ELMO1: variants seen among roughly 807,000 people sequenced by gnomAD.
ELMO1 encodes engulfment and cell motility 1.
Under a neutral mutation model 98.9 loss-of-function variants are expected in ELMO1, and 26 were observed. The observed-to-expected ratio is 0.26, with a 90% CI of 0.19 to 0.36. ELMO1 has a LOEUF of 0.36. Among genes scored for constraint, ELMO1 ranks in the 10% least tolerant of loss-of-function variants. The probability of loss-of-function intolerance (pLI) is 1.00; values close to 1 mark genes in which losing one functional copy is unlikely to be tolerated. For synonymous variants in ELMO1, 346 were observed against 346.0 expected (o/e 1.00, Z 0.00); for missense variants, 627 against 935.2 (o/e 0.67, Z 4.30).
At chr7:37,402,647 C>T (rs925778076) in intron 1 of ELMO1, among the ~76,000 whole-genome samples, 1 of 152,162 alleles carries the variant, frequency 6.6e-6, no homozygotes, top group Admixed American at 6.5e-5. Flanking sequence ...CTGAAGCCAT[C>T]TGATCCCTGA....
chr7:37,049,410 T>C (rs1185396819), intron 15 of ELMO1, among the ~76,000 whole-genome samples: 1 of 152,202 alleles, frequency 6.6e-6, no homozygotes, highest in Non-Finnish European at 1.5e-5. Context: ...TAAAACTATG[T>C]GATGCGTCCA....
intron 6 of ELMO1, among the ~76,000 whole-genome samples, chr7:37,253,052 G>T (rs569084954): frequency 1.3e-5 from 2 of 152,300 alleles, no homozygotes; most frequent in South Asian, 4.1e-4. Context: ...AGTTAGAATG[G>T]TGATCATTAA....
intron 14 of ELMO1, among the ~76,000 whole-genome samples, chr7:37,126,300 A>AATATAT (rs201860679): frequency 0.097 from 12,951 of 133,530 alleles, 789 homozygotes; most frequent in Non-Finnish European, 0.14. Flanking sequence ...GTATAATTTA[A>AATATAT]ATATATATAT....
In ELMO1 at chr7:36,870,298, A is replaced by T; in HGVS notation, c.1905+95T>A. On this transcript the variant is annotated intron_variant, in intron 20 of 21. Coordinates refer to ENST00000310758, the MANE Select transcript of ELMO1 (RefSeq NM_014800.11). The surrounding 1 kb of genome is among the most constrained non-coding windows in gnomAD (Gnocchi z 4.4). ...GAGATGTGTGTCTGAACACACGCAC[A>T]CACACGAACACTGCTATAAAGGAGG... 9.6e-7 allele frequency: 1 copy of T among 1,038,516 alleles called. No individual in the cohort carries two copies. The highest frequency in any genetic ancestry group is 1.5e-6 in the Non-Finnish European group (1 of 676,390). The allele number at this position is 1,038,516 out of a possible 1,614,324, so 64.3% of individuals were successfully genotyped here. A position where few individuals can be genotyped will look rare whatever the true frequency, so the allele number is the denominator to read the frequency against.
At chr7:37,041,812 G>T (rs34429167) in intron 15 of ELMO1, among the ~76,000 whole-genome samples, 1 of 152,036 alleles carries the variant, frequency 6.6e-6, no homozygotes. Flanking sequence ...GCCCTGCGAC[G>T]GCACCCTTTC....
chr7:37,248,462 G>A (rs942124369), intron 6 of ELMO1, among the ~76,000 whole-genome samples: 99 of 152,186 alleles, frequency 6.5e-4, no homozygotes, highest in South Asian at 4.1e-4. Flanking sequence ...ATCCTGTTTA[G>A]GGAATTTTCT....
At chr7:37,344,354 T>C (rs1281908703) in intron 1 of ELMO1, among the ~76,000 whole-genome samples, 1 of 152,160 alleles carries the variant, frequency 6.6e-6, no homozygotes, top group African/African-American at 2.4e-5. Context: ...TCTTTTTGTT[T>C]CTTTTAGTAT....
chr7:36,966,864 T>C (rs1394014547), intron 16 of ELMO1, among the ~76,000 whole-genome samples: 1 of 152,248 alleles, frequency 6.6e-6, no homozygotes, highest in Non-Finnish European at 1.5e-5. Context: ...GAAAACATGA[T>C]AAGCAGCATG....
chr7:37,193,554 A>G (rs1213037246), intron 13 of ELMO1, among the ~76,000 whole-genome samples: 1 of 152,174 alleles, frequency 6.6e-6, no homozygotes, highest in Non-Finnish European at 1.5e-5. Flanking sequence ...GGCTCCCTGC[A>G]GGAGCTTAGA....
intron 20 of ELMO1, among the ~76,000 whole-genome samples, chr7:36,866,912 G>T (rs1803073751): frequency 6.6e-6 from 1 of 152,114 alleles, no homozygotes. Context: ...GTGGGTTGGG[G>T]GGTTCAGCAG....
chr7:37,396,903 G>T (rs1803323546), intron 1 of ELMO1, among the ~76,000 whole-genome samples: 1 of 152,160 alleles, frequency 6.6e-6, no homozygotes, highest in African/African-American at 2.4e-5. Flanking sequence ...TAGGACATTG[G>T]CAAAGGAGTA....
chr7:37,403,923 A>C (rs1045231256), intron 1 of ELMO1, among the ~76,000 whole-genome samples: 5 of 152,194 alleles, frequency 3.3e-5, no homozygotes, highest in Admixed American at 6.5e-5. Flanking sequence ...TTCATTCATA[A>C]TAATGGATAC....
At chr7:37,096,516 G>A in intron 15 of ELMO1, 103 bp downstream of exon 15, 1 of 917,596 alleles carries the variant, frequency 1.1e-6, no homozygotes, top group Non-Finnish European at 1.8e-6. Context: ...ATGACCGTAA[G>A]AAGCTGTCGG....
intron 19 of ELMO1, among the ~76,000 whole-genome samples, chr7:36,874,655 G>A (rs912717193): frequency 6.6e-6 from 1 of 152,224 alleles, no homozygotes; most frequent in African/African-American, 2.4e-5. Context: ...CACATGGGCA[G>A]GGTGAGCCAG....
At chr7:37,062,553 C>T (rs1384726009) in intron 15 of ELMO1, among the ~76,000 whole-genome samples, 2 of 152,124 alleles carry the variant, frequency 1.3e-5, no homozygotes, top group African/African-American at 2.4e-5. Context: ...AAATTAAATC[C>T]TCTTTCTCCT....
intron 4 of ELMO1, among the ~76,000 whole-genome samples, chr7:37,309,405 G>A (rs1798782922): frequency 6.6e-6 from 1 of 152,146 alleles, no homozygotes; most frequent in African/African-American, 2.4e-5. Flanking sequence ...ATGAGATTTG[G>A]GTGGGGACAC....
At chr7:37,407,126 C>T (rs1321802166) in intron 1 of ELMO1, among the ~76,000 whole-genome samples, 1 of 152,170 alleles carries the variant, frequency 6.6e-6, no homozygotes, top group East Asian at 1.9e-4. Flanking sequence ...CTAAGATGTC[C>T]TTCAACAGGT....
At chr7:37,078,418 T>C (rs987500722) in intron 15 of ELMO1, among the ~76,000 whole-genome samples, 4 of 152,222 alleles carry the variant, frequency 2.6e-5, no homozygotes, top group African/African-American at 9.6e-5. Context: ...CTCATGTCTA[T>C]ATCTATTAAT....
intron 1 of ELMO1, among the ~76,000 whole-genome samples, chr7:37,442,197 C>A (rs1247167795): frequency 1.3e-5 from 2 of 152,144 alleles, no homozygotes; most frequent in Non-Finnish European, 2.9e-5. Flanking sequence ...AAAGGATTAT[C>A]CAGCCCGAAA....
Sources: allele counts gnomAD v4.1 joint callset (sites outside exome capture counted in the v4.1 genomes callset), GRCh38; gene constraint gnomAD v4.1.1; non-coding constraint Gnocchi (gnomAD v3.1); transcripts MANE v1.5; gene names NCBI Gene and HGNC (gene_info 2026-07-23, HGNC 2026-07-21).